DIP2C: variants seen among roughly 807,000 people sequenced by gnomAD.
DIP2C encodes the protein DIP2 acetate--CoA ligase C (putative).
Under a neutral mutation model 192.4 loss-of-function variants are expected in DIP2C, and 33 were observed. The ratio of observed to expected loss-of-function variants is 0.17; its 90% CI spans 0.13 to 0.23. The LOEUF is 0.23. Among genes scored for constraint, DIP2C ranks in the 10% least tolerant of loss-of-function variants. The pLI is 1.00. For synonymous variants in DIP2C, 979 were observed against 864.1 expected, an observed-to-expected ratio of 1.13 and a Z score of -2.33; for missense variants, 1,537 against 2,110.1, an observed-to-expected ratio of 0.73 and a Z score of 5.32.
chr10:640,575 G>A (rs1855115325), intron 1 of DIP2C, among the ~76,000 whole-genome samples: 1 of 152,144 alleles, frequency 6.6e-6, no homozygotes, highest in African/African-American at 2.4e-5. Flanking sequence ...GGGTAGACGC[G>A]ACGGGGGACG....
intron 31 of DIP2C, among the ~76,000 whole-genome samples, chr10:315,166 TC>T: frequency 6.6e-6 from 1 of 152,242 alleles, no homozygotes; most frequent in Non-Finnish European, 1.5e-5. Context: ...GGGCCCAACT[TC>T]CTGTTGTCTC....
chr10:680,073 G>A (rs1014451077), intron 1 of DIP2C, among the ~76,000 whole-genome samples: 4 of 152,166 alleles, frequency 2.6e-5, no homozygotes, highest in African/African-American at 9.7e-5. Context: ...GGACGATGCT[G>A]ACAGTGTGGG....
intron 1 of DIP2C, among the ~76,000 whole-genome samples, chr10:537,231 G>A (rs889773208): frequency 2.6e-5 from 4 of 152,174 alleles, no homozygotes; most frequent in South Asian, 2.1e-4. Flanking sequence ...AGGCAAGGCC[G>A]TATGAAGGAG....
intron 10 of DIP2C, among the ~76,000 whole-genome samples, chr10:394,143 C>G (rs1040137735): frequency 1.3e-5 from 2 of 152,240 alleles, no homozygotes; most frequent in Non-Finnish European, 2.9e-5. Context: ...CCACAAGGGT[C>G]AAGAAGACAA....
intron 29 of DIP2C, 181 bp downstream of exon 29, chr10:341,018 G>T: frequency 1.2e-6 from 1 of 834,332 alleles, no homozygotes; most frequent in Non-Finnish European, 2.0e-6. Context: ...GTCACCCCAG[G>T]TGCTGCTTTC....
Position 645,492 on chromosome 10 carries a change from T to C in DIP2C, c.85+44002A>G, listed in dbSNP as rs542819798. Among the ~76,000 whole-genome samples the C allele has an allele frequency of 2.0e-5, 3 of 152,340 alleles. No individual in the cohort carries two copies. The East Asian group carries it at 5.8e-4, about 29-fold the overall frequency. ...GAAACATTTTACTCATAAAATTATGTTATTTCCCATCTGTTAAATTGTATA... is the reference window on the plus strand; with the variant it reads ...GAAACATTTTACTCATAAAATTATGCTATTTCCCATCTGTTAAATTGTATA... On this transcript the variant is annotated intron_variant, in intron 1 of 36. Coordinates refer to ENST00000280886, the MANE Select transcript of DIP2C (RefSeq NM_014974.3).
At chr10:433,754 A>G (rs1966953780) in intron 4 of DIP2C, among the ~76,000 whole-genome samples, 1 of 152,140 alleles carries the variant, frequency 6.6e-6, no homozygotes, top group Non-Finnish European at 1.5e-5. Context: ...ATCTATATAT[A>G]TTTCTTTATA....
chr10:441,872 G>C (rs777913549), intron 3 of DIP2C, among the ~76,000 whole-genome samples: 2 of 150,508 alleles, frequency 1.3e-5, no homozygotes, highest in Non-Finnish European at 3.0e-5. Flanking sequence ...GGCTGGGAAC[G>C]CAGTGGTGAT....
chr10:369,727 C>T, intron 17 of DIP2C, 94 bp from the exon 18 acceptor site: 1 of 1,598,054 alleles, frequency 6.3e-7, no homozygotes, highest in South Asian at 1.1e-5. Context: ...GGCTGGGCAC[C>T]TCTGGGCACA....
Position 596,544 on chromosome 10 carries a change from C to G in DIP2C, c.85+92950G>C, listed in dbSNP as rs1414448127. Among the ~76,000 whole-genome samples, 3 of 144,588 alleles carry G rather than the reference C, an allele frequency of 2.1e-5. No individual in the cohort carries two copies. In the East Asian group the frequency reaches 6.2e-4, roughly 30 times the overall value. The allele number at this position is 144,588 out of a possible 152,430, so 94.9% of individuals were successfully genotyped here. ...AAAAAAAAGTATTAAGTTTTCCTTC[C>G]AATGAACCTATCATTCTGCCACCGA... is the stretch of plus-strand genomic sequence containing the variant. On this transcript the variant is annotated intron_variant, in intron 1 of 36. Transcript: ENST00000280886.
chr10:403,804 G>A (rs1349836850), intron 9 of DIP2C, among the ~76,000 whole-genome samples: 2 of 144,912 alleles, frequency 1.4e-5, no homozygotes, highest in South Asian at 2.4e-4. Context: ...TCTTCCTTAT[G>A]GACAAGTTTG....
intron 1 of DIP2C, among the ~76,000 whole-genome samples, chr10:580,128 A>T (rs1850515201): frequency 6.6e-6 from 1 of 152,186 alleles, no homozygotes; most frequent in Admixed American, 6.5e-5. Flanking sequence ...ATCTATATAC[A>T]TGCATATAGT....
At chr10:579,408 CAT>C (rs1475778787) in intron 1 of DIP2C, among the ~76,000 whole-genome samples, 1 of 151,954 alleles carries the variant, frequency 6.6e-6, no homozygotes, top group East Asian at 1.9e-4. Flanking sequence ...CATCCAGATC[CAT>C]ATAGCGTATG....
rs540248171 is a variant in DIP2C at position 524,828 on chromosome 10, C to T, written c.86-38298G>A. Among the ~76,000 whole-genome samples, 34 of 152,160 alleles carry T rather than the reference C, an allele frequency of 2.2e-4. 1 individual carries two copies. The South Asian group carries it at 2.9e-3, about 13-fold the overall frequency. On this transcript the variant is annotated intron_variant, in intron 1 of 36. Transcript: ENST00000280886. ...TACCATCACTGATTAAGAAAAACTG[C>T]TCTACAGGACTTTCGCTATTTTAAA...
At chr10:498,916 T>C (rs1275272717) in intron 1 of DIP2C, among the ~76,000 whole-genome samples, 1 of 152,214 alleles carries the variant, frequency 6.6e-6, no homozygotes, top group Non-Finnish European at 1.5e-5. Flanking sequence ...GGATTTTCTA[T>C]GGTGTTACTT....
At chr10:508,559 G>A (rs1845787717) in intron 1 of DIP2C, among the ~76,000 whole-genome samples, 1 of 152,188 alleles carries the variant, frequency 6.6e-6, no homozygotes, top group African/African-American at 2.4e-5. Flanking sequence ...GAGCCGCTAA[G>A]CTCTTCGCAG....
At chr10:671,792 G>C (rs567206839) in intron 1 of DIP2C, among the ~76,000 whole-genome samples, 3 of 143,810 alleles carry the variant, frequency 2.1e-5, no homozygotes, top group South Asian at 2.4e-4. Flanking sequence ...CACGGACGGA[G>C]GAAACAGGCC....
chr10:425,399 A>G (rs113473244), intron 4 of DIP2C, among the ~76,000 whole-genome samples: 17 of 148,460 alleles, frequency 1.1e-4, no homozygotes, highest in African/African-American at 3.0e-4. Flanking sequence ...GGTGACTAAT[A>G]TGACACGGAT....
chr10:535,430 T>C (rs892734715), intron 1 of DIP2C, among the ~76,000 whole-genome samples: 8 of 151,862 alleles, frequency 5.3e-5, no homozygotes, highest in Admixed American at 1.3e-4. Flanking sequence ...CGTCTAGTAC[T>C]CCCCACAGAA....
Sources: allele counts gnomAD v4.1 joint callset (sites outside exome capture counted in the v4.1 genomes callset), GRCh38; gene constraint gnomAD v4.1.1; transcripts MANE v1.5; gene names NCBI Gene and HGNC (gene_info 2026-07-23, HGNC 2026-07-21).